TOX: variants seen among roughly 807,000 people sequenced by gnomAD.
The protein encoded by TOX is thymocyte selection-associated high mobility group box protein TOX.
A neutral mutation model predicts 53.7 loss-of-function variants in TOX; 11 were observed. The observed-to-expected ratio is 0.20, with a 90% CI of 0.13 to 0.34. The LOEUF is 0.34. Among genes scored for constraint, TOX ranks in the 10% least tolerant of loss-of-function variants. The probability of loss-of-function intolerance (pLI) is 1.00; values close to 1 mark genes in which losing one functional copy is unlikely to be tolerated. For synonymous variants in TOX, 225 were observed against 245.3 expected (o/e 0.92, Z 0.77); for missense variants, 570 against 664.6 (o/e 0.86, Z 1.56).
Position 59,066,782 on chromosome 8 carries a change from T to C in TOX, c.102+52104A>G, listed in dbSNP as rs137949734. 8.7e-4 allele frequency among the ~76,000 whole-genome samples: 132 copies of C among 152,264 alleles called. 1 individual carries two copies. The East Asian group carries it at 0.023, about 26-fold the overall frequency. On this transcript the variant is annotated intron_variant, in intron 1 of 8. Coordinates refer to ENST00000361421, the MANE Select transcript of TOX (RefSeq NM_014729.3). ...AGTGAACGAAAGTTCTCCCCAAGAG[T>C]CTAATTTGCAAATTAATTTCCTTGT...
rs147770184 is a variant in TOX at position 58,839,380 on chromosome 8, C to A, written c.694-1069G>T. On this transcript the variant is annotated intron_variant, in intron 4 of 8. Coordinates refer to ENST00000361421, the MANE Select transcript of TOX (RefSeq NM_014729.3). ...TCCAGAAATTAGATTCTAGAGAGTT[C>A]TAGAAAAGGTTTTTACTCAATTTAA... Among the ~76,000 whole-genome samples, 7 of 152,268 alleles carry A rather than the reference C, an allele frequency of 4.6e-5. No homozygotes were observed. The East Asian group carries it at 1.4e-3, about 29-fold the overall frequency.
intron 3 of TOX, among the ~76,000 whole-genome samples, chr8:58,889,229 A>AAAAAAAAAAAAC (rs1554527519): frequency 2.8e-5 from 4 of 142,074 alleles, no homozygotes; most frequent in Non-Finnish European, 3.0e-5. Context: ...AAAAAAAAAA[A>AAAAAAAAAAAAC]AAACAAAAAA....
rs565217798 is a variant in TOX at position 58,998,803 on chromosome 8, T to C, written c.103-38795A>G. Among the ~76,000 whole-genome samples, 27 of 151,880 alleles carry C rather than the reference T, an allele frequency of 1.8e-4. No homozygotes were observed. The South Asian group carries it at 5.6e-3, about 32-fold the overall frequency. Reference sequence around the variant, plus strand: ...AATTGATTCAGATAGTCTTCCTATTTTGAGTATGAAAGTCCAAAGGGTGAA... The same window carrying C: ...AATTGATTCAGATAGTCTTCCTATTCTGAGTATGAAAGTCCAAAGGGTGAA... On this transcript the variant is annotated intron_variant, in intron 1 of 8. Coordinates refer to ENST00000361421, the MANE Select transcript of TOX (RefSeq NM_014729.3).
chr8:59,044,385 T>C (rs943911832), intron 1 of TOX, among the ~76,000 whole-genome samples: 1 of 152,222 alleles, frequency 6.6e-6, no homozygotes, highest in Non-Finnish European at 1.5e-5. Flanking sequence ...AGCTTGCTAC[T>C]ACAAGTGCAC....
intron 3 of TOX, among the ~76,000 whole-genome samples, chr8:58,896,556 T>C (rs1393788784): frequency 2.6e-5 from 4 of 151,982 alleles, no homozygotes; most frequent in Non-Finnish European, 5.9e-5. Flanking sequence ...GTGCCTATAA[T>C]CCCAGCCACT....
chr8:59,103,220 T>C (rs942078969), intron 1 of TOX, among the ~76,000 whole-genome samples: 1 of 152,168 alleles, frequency 6.6e-6, no homozygotes, highest in African/African-American at 2.4e-5. Flanking sequence ...TCAAGCTTTC[T>C]TATCAAAAGT....
At chr8:59,013,102 G>A (rs1813940090) in intron 1 of TOX, among the ~76,000 whole-genome samples, 1 of 151,972 alleles carries the variant, frequency 6.6e-6, no homozygotes, top group Admixed American at 6.6e-5. Flanking sequence ...AGAACTATTG[G>A]CAGAGCAATG....
At chr8:58,858,957 T>C (rs1156592658) in intron 3 of TOX, among the ~76,000 whole-genome samples, 2 of 152,174 alleles carry the variant, frequency 1.3e-5, no homozygotes, top group South Asian at 2.1e-4. Context: ...TGATTACATA[T>C]TTTTGCCAGG....
chr8:58,867,743 C>G (rs1811128282), intron 3 of TOX, among the ~76,000 whole-genome samples: 1 of 152,118 alleles, frequency 6.6e-6, no homozygotes, highest in Admixed American at 6.6e-5. Context: ...GTTTGAGCAG[C>G]AGGGCACGAA....
At chr8:59,087,876 A>G (rs912454387) in intron 1 of TOX, among the ~76,000 whole-genome samples, 5 of 152,210 alleles carry the variant, frequency 3.3e-5, no homozygotes, top group African/African-American at 1.2e-4. Context: ...GTTTCACAAG[A>G]AAAGGTGGAG....
At chr8:58,989,524 C>A (rs1349411158) in intron 1 of TOX, among the ~76,000 whole-genome samples, 1 of 152,040 alleles carries the variant, frequency 6.6e-6, no homozygotes, top group African/African-American at 2.4e-5. Flanking sequence ...CACATTTTTG[C>A]CTTGCTTTGT....
chr8:58,986,955 G>A lies in TOX; in HGVS notation c.103-26947C>T, dbSNP rs543626086. ...GAAGTGAGGCCTAGGTGTTAACATG[G>A]AAAGGAGAGTAAAGCCTAAATTAGA... On this transcript the variant is annotated intron_variant, in intron 1 of 8. Transcript: ENST00000361421. 3.9e-5 allele frequency among the ~76,000 whole-genome samples: 6 copies of A among 152,324 alleles called. No individual in the cohort carries two copies. The South Asian group carries it at 1.2e-3, about 32-fold the overall frequency.
chr8:58,909,980 G>A (rs1216965037), intron 3 of TOX, among the ~76,000 whole-genome samples: 1 of 151,980 alleles, frequency 6.6e-6, no homozygotes, highest in East Asian at 1.9e-4. Flanking sequence ...TGAATCTTGA[G>A]TTTCCAAAAT....
intron 8 of TOX, 137 bp from the exon 9 acceptor site, chr8:58,807,920 T>C: frequency 7.7e-7 from 1 of 1,303,962 alleles, no homozygotes; most frequent in East Asian, 2.4e-5. Flanking sequence ...TTAACCTACA[T>C]CTGAAGTGAG....
intron 1 of TOX, among the ~76,000 whole-genome samples, chr8:59,080,719 G>C (rs930265260): frequency 4.6e-5 from 7 of 152,072 alleles, no homozygotes; most frequent in African/African-American, 1.7e-4. Flanking sequence ...ATTTAAGTCT[G>C]TGGCACCTTC....
rs146702062 is a variant in TOX at position 58,939,355 on chromosome 8, C to T, written c.358G>A (p.Val120Ile). ...CCATCCTGGCCCAGCATATTGGAGA[C>T]TGTGATTTCAGGGAGGTCCATGTTT... ...PQNMDLPEIT[V>I]SNMLGQDGTL... is the part of the protein sequence containing the mutation. The change falls in exon 3 of 9, where the codon GTC (valine) becomes ATC (isoleucine). Residue 120 changes from valine to isoleucine, a missense_variant. Around this residue, in one of 3 missense-constraint regions of TOX, gnomAD observed 282 missense variants for 315.0 expected, o/e 0.90. Transcript: ENST00000361421. 2.6e-4 allele frequency: 412 copies of T among 1,614,070 alleles called. No homozygotes were observed. The highest frequency in any genetic ancestry group is 1.7e-3 in the Admixed American group (102 of 60,010).
At position 58,816,034 on chromosome 8, in the gene TOX, C is replaced by T. The variant is rs978026566; in HGVS notation, c.1006-310G>A. On this transcript the variant is annotated intron_variant, in intron 6 of 8. Transcript: ENST00000361421. ...AGATGGGTTTGTGGAGGGTGGGGGA[C>T]GGGAGAAGGCAGATGCCGTGAATGC... Among the ~76,000 whole-genome samples, 7 of 152,048 alleles carry T rather than the reference C, an allele frequency of 4.6e-5. No individual in the cohort carries two copies. In the South Asian group the frequency reaches 6.2e-4, roughly 14 times the overall value.
At chr8:59,021,056 C>A (rs1445268026) in intron 1 of TOX, among the ~76,000 whole-genome samples, 3 of 136,090 alleles carry the variant, frequency 2.2e-5, no homozygotes, top group Non-Finnish European at 4.6e-5. Context: ...CTACAGTCAG[C>A]TGTGATCATG....
intron 1 of TOX, among the ~76,000 whole-genome samples, chr8:58,973,409 C>T (rs866935377): frequency 2.0e-5 from 3 of 152,324 alleles, no homozygotes; most frequent in Admixed American, 6.5e-5. Flanking sequence ...TGCCTTTTCA[C>T]ACTATCAGAT....
Sources: gnomAD v4.1 joint callset for allele counts (sites outside exome capture counted in the v4.1 genomes callset) on GRCh38, gnomAD v4.1.1 for gene constraint, gnomAD v4.1.1 regional missense constraint, MANE v1.5 for transcripts, NCBI Gene and HGNC (gene_info 2026-07-23, HGNC 2026-07-21) for gene names.